The following ROBO2 variants were observed in gnomAD, a reference collection of about 807,000 sequenced individuals.
ROBO2 encodes roundabout guidance receptor 2.
Under a neutral mutation model 160.8 loss-of-function variants are expected in ROBO2, and 53 were observed. The ratio of observed to expected loss-of-function variants is 0.33; its 90% CI spans 0.26 to 0.41. The LOEUF is 0.41. Ranked by LOEUF, ROBO2 falls within the 10% of genes least tolerant of loss-of-function variation. The pLI is 1.00. For missense variants in ROBO2, 1,577 were observed against 1,722.4 expected, an observed-to-expected ratio of 0.92 and a Z score of 1.49; for synonymous variants, 664 against 611.7, an observed-to-expected ratio of 1.09 and a Z score of -1.26.
intron 2 of ROBO2, among the ~76,000 whole-genome samples, chr3:76,399,062 A>G (rs759349733): frequency 4.0e-5 from 6 of 151,860 alleles, no homozygotes; most frequent in Non-Finnish European, 7.4e-5. Context: ...AGTATATACA[A>G]TAATATTCAG....
In ROBO2 at chr3:76,337,374, T is replaced by A. The variant is rs562595993; in HGVS notation, c.109+399772T>A. On this transcript the variant is annotated intron_variant, in intron 2 of 26. Transcript: ENST00000487694. ...AACTCAATTGTTAGGTCCACTTAGGTAAAATACATGGGTTGAAGATTAAAG... is the reference window on the plus strand; with the variant it reads ...AACTCAATTGTTAGGTCCACTTAGGAAAAATACATGGGTTGAAGATTAAAG... Among the ~76,000 whole-genome samples the A allele has an allele frequency of 1.5e-4, 23 of 152,308 alleles. No homozygotes were observed. In the East Asian group the frequency reaches 3.9e-3, roughly 26 times the overall value.
rs1553693025 is a variant in ROBO2, at chr3:76,272,832, T to TATATATATTTATATATAA, written c.109+335239_109+335240insTATATATAAATATATATT. 1.8e-3 allele frequency among the ~76,000 whole-genome samples: 67 copies of TATATATATTTATATATAA among 38,284 alleles called. 3 individuals are homozygous for TATATATATTTATATATAA. In the East Asian group the frequency reaches 0.019, roughly 11 times the overall value. 25.1% of individuals were successfully genotyped at this position (38,284 alleles called of 152,430 possible). A position where few individuals can be genotyped will look rare whatever the true frequency, so the allele number is the denominator to read the frequency against. On this transcript the variant is annotated intron_variant, in intron 2 of 26. Coordinates refer to the ROBO2 transcript ENST00000487694. ...ATATAATATGTATTTATATATAAAA[T>TATATATATTTATATATAA]ATATATATTATATATTATATATAAA...
In ROBO2 at chr3:76,232,623, C is replaced by T. The variant is rs376901886; in HGVS notation, c.109+295021C>T. ...TGTATCTGAATTGTCTCTTATTTAA[C>T]GATCACAAACAAATCATTTAAACAG... On this transcript the variant is annotated intron_variant, in intron 2 of 26. Transcript: ENST00000487694. Among the ~76,000 whole-genome samples, 55 of 152,252 alleles carry T rather than the reference C, an allele frequency of 3.6e-4. No individual in the cohort carries two copies. In the South Asian group the frequency reaches 0.01, roughly 28 times the overall value.
chr3:76,252,884 G>A (rs545424494), intron 2 of ROBO2, among the ~76,000 whole-genome samples: 30 of 151,866 alleles, frequency 2.0e-4, no homozygotes, highest in Admixed American at 4.6e-4. Flanking sequence ...AGGCCTACAG[G>A]CTGGAAACTC....
intron 2 of ROBO2, among the ~76,000 whole-genome samples, chr3:76,022,575 T>C (rs551930377): frequency 1.3e-5 from 2 of 151,734 alleles, no homozygotes; most frequent in Non-Finnish European, 3.0e-5. Context: ...AACTCTTGGG[T>C]GTTCAGGTAC....
intron 2 of ROBO2, among the ~76,000 whole-genome samples, chr3:76,042,352 A>C (rs2067300068): frequency 6.6e-6 from 1 of 152,066 alleles, no homozygotes; most frequent in Non-Finnish European, 1.5e-5. Context: ...GTATGTGCGA[A>C]TATCAGAGAT....
intron 2 of ROBO2, among the ~76,000 whole-genome samples, chr3:76,986,045 G>A (rs2060362365): frequency 6.6e-6 from 1 of 152,062 alleles, no homozygotes. Context: ...CAATAACTCT[G>A]ATAAGCATTT....
chr3:76,654,022 A>G (rs2091374593), intron 2 of ROBO2, among the ~76,000 whole-genome samples: 1 of 152,210 alleles, frequency 6.6e-6, no homozygotes, highest in African/African-American at 2.4e-5. Flanking sequence ...TACTGATGGA[A>G]GTGAGGGTCA....
intron 2 of ROBO2, among the ~76,000 whole-genome samples, chr3:77,128,780 C>T (rs545593134): frequency 1.3e-4 from 20 of 152,108 alleles, no homozygotes; most frequent in South Asian, 1.0e-3. Flanking sequence ...AAGAACATAC[C>T]GTGATACAAA....
intron 2 of ROBO2, among the ~76,000 whole-genome samples, chr3:76,693,013 C>T (rs932809597): frequency 1.4e-5 from 2 of 142,696 alleles, no homozygotes; most frequent in Admixed American, 7.0e-5. Context: ...TATGTATATA[C>T]ACATATGTGT....
chr3:76,080,017 C>T (rs2068770042), intron 2 of ROBO2, among the ~76,000 whole-genome samples: 1 of 152,106 alleles, frequency 6.6e-6, no homozygotes, highest in Non-Finnish European at 1.5e-5. Context: ...AATTGGCCTT[C>T]ACATAGATAC....
intron 2 of ROBO2, among the ~76,000 whole-genome samples, chr3:76,491,108 T>C (rs976304888): frequency 3.9e-5 from 6 of 151,974 alleles, no homozygotes; most frequent in Non-Finnish European, 8.8e-5. Context: ...TACAGGCGTG[T>C]GTCAGCAGGC....
intron 2 of ROBO2, among the ~76,000 whole-genome samples, chr3:77,100,576 ACT>A (rs911923516): frequency 1.3e-4 from 19 of 151,702 alleles, no homozygotes; most frequent in African/African-American, 4.3e-4. Context: ...ATTTTAGAAA[ACT>A]CAACATAAAT....
intron 4 of ROBO2, among the ~76,000 whole-genome samples, chr3:77,491,175 GA>G (rs1256879889): frequency 6.6e-6 from 1 of 152,138 alleles, no homozygotes; most frequent in Non-Finnish European, 1.5e-5. Flanking sequence ...ACCACTTAGT[GA>G]AAGCCTCTAG....
intron 2 of ROBO2, among the ~76,000 whole-genome samples, chr3:76,314,449 AT>A (rs1182872306): frequency 6.6e-6 from 1 of 151,936 alleles, no homozygotes; most frequent in African/African-American, 2.4e-5. Context: ...ATAATATCAT[AT>A]TTACATATAA....
At chr3:77,482,109 ATGTG>A (rs1239825160) in intron 4 of ROBO2, among the ~76,000 whole-genome samples, 1 of 152,296 alleles carries the variant, frequency 6.6e-6, no homozygotes, top group East Asian at 1.9e-4. Flanking sequence ...ATATGTATGT[ATGTG>A]TATGTACATG....
chr3:77,518,781 A>G (rs546488195), intron 5 of ROBO2, among the ~76,000 whole-genome samples: 1 of 151,674 alleles, frequency 6.6e-6, no homozygotes, highest in South Asian at 2.1e-4. Flanking sequence ...GATGACAATG[A>G]TAATGAGCAT....
At chr3:76,480,577 G>A (rs879413845) in intron 2 of ROBO2, among the ~76,000 whole-genome samples, 7 of 152,060 alleles carry the variant, frequency 4.6e-5, no homozygotes, top group Non-Finnish European at 7.4e-5. Flanking sequence ...CAAGATCAAG[G>A]CAGTGATAGA....
intron 5 of ROBO2, among the ~76,000 whole-genome samples, chr3:77,500,922 G>A (rs1279932103): frequency 6.6e-6 from 1 of 152,148 alleles, no homozygotes; most frequent in Non-Finnish European, 1.5e-5. Flanking sequence ...GAACACACAT[G>A]GAATATGAAA....
Sources: gnomAD v4.1 joint callset for allele counts (sites outside exome capture counted in the v4.1 genomes callset) on GRCh38, gnomAD v4.1.1 for gene constraint, MANE v1.5 for transcripts, NCBI Gene and HGNC (gene_info 2026-07-23, HGNC 2026-07-21) for gene names.